Variants in NOX4 observed in about 807,000 individuals in gnomAD.
The protein encoded by NOX4 is kidney oxidase-1.
Under a neutral mutation model 87.6 loss-of-function variants are expected in NOX4, and 69 were observed. The ratio of observed to expected loss-of-function variants is 0.79; its 90% CI spans 0.65 to 0.96. NOX4 has a LOEUF of 0.96. NOX4 is among the 40% of genes least tolerant of loss of function. The pLI is 0.00. For synonymous variants in NOX4, 275 were observed against 238.2 expected (o/e 1.15, Z -1.42); for missense variants, 680 against 681.5 (o/e 1.00, Z 0.02).
chr11:89,368,635 G>T (rs1939200608), intron 12 of NOX4, among the ~76,000 whole-genome samples: 2 of 152,074 alleles, frequency 1.3e-5, no homozygotes, highest in Admixed American at 1.3e-4. Context: ...TTATTCTCAT[G>T]ATTTAATCAT....
Position 89,451,834 on chromosome 11 carries a change from A to T in NOX4, c.215T>A (p.Leu72His). The T allele has an allele frequency of 1.2e-6, 2 of 1,613,402 alleles. No homozygotes were observed. The highest frequency in any genetic ancestry group is 2.2e-5 in the South Asian group (2 of 91,068). Residue 72 changes from leucine (L) to histidine (H), a missense_variant, in exon 3 of 18, where the codon CTT (leucine) becomes CAT (histidine). By Grantham distance (99) the Leu-to-His change is moderately conservative (BLOSUM62 -3). Transcript: ENST00000263317. Reference protein sequence around the residue: ...SVLNLNCSLILLPMCRTLLAY... With the variant: ...SVLNLNCSLIHLPMCRTLLAY... Reference sequence around the variant, plus strand: ...CAAGAGTGTTCGGCACATGGGTAAAAGGATAAGGCTGCAGTTGAGGTTAAG... The same window carrying T: ...CAAGAGTGTTCGGCACATGGGTAAATGGATAAGGCTGCAGTTGAGGTTAAG...
At chr11:89,392,225 C>A (rs1227557122) in intron 11 of NOX4, among the ~76,000 whole-genome samples, 3 of 152,010 alleles carry the variant, frequency 2.0e-5, no homozygotes, top group Non-Finnish European at 4.4e-5. Context: ...ACACACCCAA[C>A]CTCTTTATCT....
intron 8 of NOX4, among the ~76,000 whole-genome samples, chr11:89,417,823 C>T (rs1161831761): frequency 1.3e-5 from 2 of 152,046 alleles, no homozygotes; most frequent in Non-Finnish European, 2.9e-5. Context: ...CAAGACAACA[C>T]TATGATATAA....
chr11:89,588,252 T>A, the NOX4 span, among the ~76,000 whole-genome samples: 340 of 152,320 alleles, frequency 2.2e-3, no homozygotes, highest in Middle Eastern at 6.8e-3. Context: ...AATGCCAATT[T>A]TGTAGTAAAT....
At chr11:89,447,782 C>T (rs1406976952) in intron 4 of NOX4, among the ~76,000 whole-genome samples, 6 of 152,088 alleles carry the variant, frequency 3.9e-5, no homozygotes, top group Non-Finnish European at 7.4e-5. Flanking sequence ...CTCTCCCTCT[C>T]CCTAATCTAT....
intron 7 of NOX4, among the ~76,000 whole-genome samples, chr11:89,427,234 T>C (rs1194480480): frequency 2.0e-5 from 3 of 151,830 alleles, no homozygotes; most frequent in Non-Finnish European, 2.9e-5. Flanking sequence ...GTCACCATCA[T>C]CAAAGACCAA....
chr11:89,511,312 G>A, the NOX4 span, among the ~76,000 whole-genome samples: 1 of 151,666 alleles, frequency 6.6e-6, no homozygotes, highest in African/African-American at 2.4e-5. Context: ...TTAACTGTGG[G>A]CATTACAGCA....
the NOX4 span, among the ~76,000 whole-genome samples, chr11:89,573,951 C>T: frequency 1.3e-5 from 2 of 152,094 alleles, no homozygotes; most frequent in Non-Finnish European, 1.5e-5. Context: ...TTCCCTTTTC[C>T]GGTGGAGTCG....
At chr11:89,536,781 A>G in the NOX4 span, among the ~76,000 whole-genome samples, 1 of 152,180 alleles carries the variant, frequency 6.6e-6, no homozygotes, top group Non-Finnish European at 1.5e-5. Flanking sequence ...TAAGGTGAAC[A>G]TTACCATTCC....
chr11:89,426,453 C>G (rs191935424), intron 7 of NOX4, among the ~76,000 whole-genome samples: 1 of 151,966 alleles, frequency 6.6e-6, no homozygotes, highest in East Asian at 2.0e-4. Flanking sequence ...CGCAAGGGGT[C>G]AAGGAATTCC....
intron 8 of NOX4, among the ~76,000 whole-genome samples, chr11:89,407,378 G>A (rs1455074973): frequency 2.0e-5 from 3 of 152,052 alleles, no homozygotes; most frequent in Non-Finnish European, 1.5e-5. Flanking sequence ...CACAGACTAT[G>A]TGGAAATATA....
In NOX4 at chr11:89,471,620, T is replaced by C. The variant is rs1945945066; in HGVS notation, c.153+18838A>G. On this transcript the variant is annotated intron_variant, in intron 2 of 17. Transcript: ENST00000263317. ...TAAATTATAATGGGAATAAAAATTT[T>C]GAATATAGTAGGCATTCCATGGGAA... is the stretch of plus-strand genomic sequence containing the variant. Among the ~76,000 whole-genome samples the C allele has an allele frequency of 1.3e-5, 2 of 152,196 alleles. 1 individual carries two copies. Among genetic ancestry groups the C allele is most frequent in the East Asian group, 3.8e-4 (2 of 5,198 alleles).
At chr11:89,534,428 C>T in the NOX4 span, among the ~76,000 whole-genome samples, 9 of 152,186 alleles carry the variant, frequency 5.9e-5, no homozygotes, top group Non-Finnish European at 1.2e-4. Flanking sequence ...GTCTTTACTC[C>T]ACATCTTCTC....
At chr11:89,450,131 T>C (rs1057365291) in intron 3 of NOX4, among the ~76,000 whole-genome samples, 9 of 152,198 alleles carry the variant, frequency 5.9e-5, no homozygotes, top group Non-Finnish European at 8.8e-5. Context: ...TGGGAACTTT[T>C]TATTCCCTGC....
chr11:89,403,568 C>T (rs377186337), intron 8 of NOX4, among the ~76,000 whole-genome samples: 6 of 152,026 alleles, frequency 3.9e-5, no homozygotes, highest in Admixed American at 1.3e-4. Flanking sequence ...GGAGAAGCCC[C>T]GTCTCTACTA....
the NOX4 span, among the ~76,000 whole-genome samples, chr11:89,541,186 T>C: frequency 1.3e-5 from 2 of 152,292 alleles, no homozygotes; most frequent in Non-Finnish European, 2.9e-5. Flanking sequence ...TATTTTATTA[T>C]AGAAAGTTAG....
chr11:89,458,996 C>G (rs938263615), intron 2 of NOX4, among the ~76,000 whole-genome samples: 9 of 152,106 alleles, frequency 5.9e-5, no homozygotes, highest in Admixed American at 4.6e-4. Context: ...CATAAAGACA[C>G]ATGCACACAT....
At position 89,346,483 on chromosome 11, in the gene NOX4, A is replaced by C. The variant is rs868292347; in HGVS notation, c.1218-4290T>G. Among the ~76,000 whole-genome samples, 212 of 151,382 alleles carry C rather than the reference A, an allele frequency of 1.4e-3. 11 individuals are homozygous for C. The highest frequency in any genetic ancestry group is 0.01 in the Middle Eastern group (3 of 294). Reference sequence around the variant, plus strand: ...TTTCTGCCTAAAAATAAAAAAAAAAACCCCAAATAAACAACAAAAATCCCT... The same window carrying C: ...TTTCTGCCTAAAAATAAAAAAAAAACCCCCAAATAAACAACAAAAATCCCT... On this transcript the variant is annotated intron_variant, in intron 13 of 17. Coordinates refer to ENST00000263317, the MANE Select transcript of NOX4 (RefSeq NM_016931.5).
chr11:89,437,622 G>C (rs1043737305), intron 6 of NOX4, among the ~76,000 whole-genome samples: 2 of 151,982 alleles, frequency 1.3e-5, no homozygotes, highest in African/African-American at 4.8e-5. Context: ...AATTGGGTGA[G>C]TCAAATTGTT....
Sources: allele counts gnomAD v4.1 joint callset (sites outside exome capture counted in the v4.1 genomes callset), GRCh38; gene constraint gnomAD v4.1.1; transcripts MANE v1.5; gene names NCBI Gene and HGNC (gene_info 2026-07-23, HGNC 2026-07-21).